Variants in GPHN observed in about 807,000 individuals in gnomAD.
GPHN encodes the protein gephyrin.
In GPHN, 17 loss-of-function variants were observed where a neutral mutation model predicts 95.5. The observed-to-expected ratio is 0.18, with a 90% CI of 0.12 to 0.27. The LOEUF is 0.27. Ranked by LOEUF, GPHN falls within the 10% of genes least tolerant of loss-of-function variation. The pLI is 1.00. For missense variants in GPHN, 660 were observed against 978.1 expected (o/e 0.67, Z 4.34); for synonymous variants, 320 against 322.5 (o/e 0.99, Z 0.08).
At chr14:67,243,312 C>G in the GPHN span, among the ~76,000 whole-genome samples, 14 of 151,296 alleles carry the variant, frequency 9.3e-5, no homozygotes, top group Non-Finnish European at 1.6e-4. Context: ...CTCAGCCTCC[C>G]GACTAGCTGG....
chr14:67,692,968 G>C, the GPHN span: 1 of 1,613,924 alleles, frequency 6.2e-7, no homozygotes, highest in Middle Eastern at 1.7e-4. Flanking sequence ...TCTCCTTCCC[G>C]ATACCTGTAT....
intron 2 of GPHN, among the ~76,000 whole-genome samples, chr14:66,681,780 CT>C (rs1353598103): frequency 1.3e-5 from 2 of 151,792 alleles, no homozygotes; most frequent in Non-Finnish European, 2.9e-5. Context: ...TTTTTTTACA[CT>C]TTTATATTTA....
the GPHN span, among the ~76,000 whole-genome samples, chr14:67,225,995 T>G: frequency 6.8e-6 from 1 of 146,764 alleles, no homozygotes; most frequent in East Asian, 2.0e-4. Context: ...GCGTGCATGC[T>G]CATAAGGGCT....
the GPHN span, chr14:67,653,551 A>C: frequency 6.7e-7 from 1 of 1,488,614 alleles, no homozygotes; most frequent in African/African-American, 1.4e-5. Flanking sequence ...TACTCTGTAC[A>C]ATTGAATATC....
intron 9 of GPHN, among the ~76,000 whole-genome samples, chr14:66,996,653 A>G (rs1484822890): frequency 6.6e-6 from 1 of 152,204 alleles, no homozygotes; most frequent in Admixed American, 6.5e-5. Flanking sequence ...AACCACAGAC[A>G]TAGGAAAACA....
In GPHN at chr14:67,181,600, C is replaced by G. The variant is rs2140217015; in HGVS notation, c.*663C>G. On this transcript the variant is annotated 3_prime_UTR_variant, in exon 23 of 23. Coordinates refer to ENST00000478722, the MANE Select transcript of GPHN (RefSeq NM_020806.5). ...AAAATGCTTCCTTAAGTGCTGACAGCCTTTTTAACCAATACATTTAAAATT... is the reference window on the plus strand; with the variant it reads ...AAAATGCTTCCTTAAGTGCTGACAGGCTTTTTAACCAATACATTTAAAATT... 2.4e-6 allele frequency: 1 copy of G among 409,886 alleles called. No individual in the cohort carries two copies. Among genetic ancestry groups the G allele is most frequent in the Middle Eastern group, 3.5e-4 (1 of 2,842 alleles). 25.4% of individuals were successfully genotyped at this position (409,886 alleles called of 1,614,324 possible).
intron 2 of GPHN, among the ~76,000 whole-genome samples, chr14:66,710,818 C>T (rs186914860): frequency 1.3e-5 from 2 of 152,240 alleles, no homozygotes; most frequent in East Asian, 3.9e-4. Context: ...ATTCAAGATG[C>T]TACCTACTTC....
chr14:67,333,605 G>A, the GPHN span: 1 of 152,522 alleles, frequency 6.6e-6, no homozygotes, highest in Non-Finnish European at 1.5e-5. Context: ...CTCAGACTTT[G>A]TGGATCAGAC....
chr14:67,585,618 T>C, the GPHN span: 2 of 1,583,226 alleles, frequency 1.3e-6, no homozygotes, highest in South Asian at 2.3e-5. Context: ...TTGCTGTGAA[T>C]GAGGATGGCG....
the GPHN span, among the ~76,000 whole-genome samples, chr14:67,253,317 T>C: frequency 2.4e-3 from 364 of 152,348 alleles, 9 homozygotes; most frequent in East Asian, 0.017. Context: ...TTGGTTGTTA[T>C]AGTCTGAGGT....
chr14:67,485,690 T>C, the GPHN span, among the ~76,000 whole-genome samples: 1 of 152,144 alleles, frequency 6.6e-6, no homozygotes, highest in African/African-American at 2.4e-5. Flanking sequence ...CTCTGGGGGT[T>C]GGGAAAGCAG....
the GPHN span, among the ~76,000 whole-genome samples, chr14:67,234,504 T>A: frequency 1.3e-5 from 2 of 152,186 alleles, no homozygotes; most frequent in Non-Finnish European, 2.9e-5. Flanking sequence ...CATGTCAAGT[T>A]GAGTGAGTTC....
chr14:67,094,868 C>A (rs2077288577), intron 12 of GPHN, among the ~76,000 whole-genome samples: 2 of 152,258 alleles, frequency 1.3e-5, no homozygotes, highest in East Asian at 3.9e-4. Flanking sequence ...TTTAGATACA[C>A]AAATACTTAA....
chr14:67,362,035 T>C, the GPHN span, among the ~76,000 whole-genome samples: 1 of 151,150 alleles, frequency 6.6e-6, no homozygotes, highest in Admixed American at 6.6e-5. Flanking sequence ...CTTTTTTCTT[T>C]TTTTTTTTGA....
intron 3 of GPHN, chr14:66,823,060 G>A (rs1446639695): frequency 6.6e-6 from 1 of 152,322 alleles, no homozygotes; most frequent in Non-Finnish European, 1.5e-5. Flanking sequence ...GGAGTGCAGT[G>A]GCGCGATCTC....
intron 1 of GPHN, among the ~76,000 whole-genome samples, chr14:66,647,074 TTAA>T (rs2064791553): frequency 8.2e-6 from 1 of 121,430 alleles, no homozygotes; most frequent in Admixed American, 8.3e-5. Context: ...TTTTTTTTTT[TTAA>T]TATTTTTTTT....
the GPHN span, chr14:67,294,568 TATA>T: frequency 6.6e-6 from 1 of 152,124 alleles, no homozygotes; most frequent in African/African-American, 2.4e-5. Flanking sequence ...TTAGGTATCA[TATA>T]ATAATAAAGC....
At chr14:67,526,402 T>G in the GPHN span, among the ~76,000 whole-genome samples, 1 of 152,226 alleles carries the variant, frequency 6.6e-6, no homozygotes, top group Admixed American at 6.5e-5. Flanking sequence ...AAGCTGACGG[T>G]CTTTGCATGC....
At chr14:67,620,123 C>T in the GPHN span, 1 of 1,458,826 alleles carries the variant, frequency 6.9e-7, no homozygotes, top group South Asian at 1.2e-5. Flanking sequence ...CGGGCAGGAT[C>T]CTCCGCCCCC....
Sources: gnomAD v4.1 joint callset for allele counts (sites outside exome capture counted in the v4.1 genomes callset) on GRCh38, gnomAD v4.1.1 for gene constraint, MANE v1.5 for transcripts, NCBI Gene and HGNC (gene_info 2026-07-23, HGNC 2026-07-21) for gene names.